Variants in DOCK3 observed in about 807,000 individuals in gnomAD.
DOCK3 encodes dedicator of cytokinesis 3.
A neutral mutation model predicts 265.6 loss-of-function variants in DOCK3; 60 were observed. The ratio of observed to expected loss-of-function variants is 0.23; its 90% confidence interval spans 0.18 to 0.28. The LOEUF is 0.28. Among genes scored for constraint, DOCK3 ranks in the 10% least tolerant of loss-of-function variants. DOCK3 has a pLI of 1.00. For missense variants in DOCK3, 1,981 were observed against 2,594.3 expected (o/e 0.76, Z 5.14); for synonymous variants, 881 against 938.0 (o/e 0.94, Z 1.11).
chr3:50,904,007 A>G (rs2049339835), intron 4 of DOCK3, among the ~76,000 whole-genome samples: 1 of 151,970 alleles, frequency 6.6e-6, no homozygotes, highest in Non-Finnish European at 1.5e-5. Flanking sequence ...AAGTGAGAAC[A>G]TGTGGTGTTT....
At chr3:50,831,176 T>C (rs139420068) in intron 2 of DOCK3, among the ~76,000 whole-genome samples, 3,091 of 151,814 alleles carry the variant, frequency 0.02, 105 homozygotes, top group African/African-American at 0.071. Context: ...GCTTCTTTAC[T>C]GCAACCTGTT....
chr3:51,112,202 T>A (rs2083550930), intron 9 of DOCK3, among the ~76,000 whole-genome samples: 1 of 152,144 alleles, frequency 6.6e-6, no homozygotes, highest in Non-Finnish European at 1.5e-5. Context: ...AGCAATCCCA[T>A]TACTGGGTAC....
chr3:50,792,115 A>G (rs1258524912), intron 2 of DOCK3, among the ~76,000 whole-genome samples: 1 of 104,720 alleles, frequency 9.5e-6, no homozygotes, highest in East Asian at 2.4e-4. Context: ...TGTTTGTGTC[A>G]TCTCTGATTT....
At chr3:51,122,858 G>A (rs911921803) in intron 9 of DOCK3, among the ~76,000 whole-genome samples, 1 of 152,220 alleles carries the variant, frequency 6.6e-6, no homozygotes, top group Non-Finnish European at 1.5e-5. Flanking sequence ...TAGGGAGAAC[G>A]ATGCTGGGAC....
At chr3:51,253,687 A>C (rs997069456) in intron 22 of DOCK3, among the ~76,000 whole-genome samples, 2 of 152,092 alleles carry the variant, frequency 1.3e-5, no homozygotes, top group African/African-American at 2.4e-5. Context: ...GGTAGTCTGT[A>C]GTTCGTGGGA....
chr3:50,870,253 CTT>C (rs2047370771), intron 3 of DOCK3, among the ~76,000 whole-genome samples: 2 of 152,112 alleles, frequency 1.3e-5, no homozygotes, highest in African/African-American at 2.4e-5. Flanking sequence ...CTATCTTTCT[CTT>C]TTGCTCTAAT....
intron 12 of DOCK3, among the ~76,000 whole-genome samples, chr3:51,204,493 A>G (rs1419437888): frequency 3.2e-4 from 47 of 146,604 alleles, no homozygotes; most frequent in South Asian, 2.0e-3. Flanking sequence ...TTAGAATGGC[A>G]ATCATTAAAA....
chr3:50,922,996 T>G (rs1485302215), intron 4 of DOCK3, among the ~76,000 whole-genome samples: 8 of 152,206 alleles, frequency 5.3e-5, no homozygotes, highest in Non-Finnish European at 7.3e-5. Context: ...TAGTCCCACT[T>G]ATGAATGAGA....
intron 2 of DOCK3, among the ~76,000 whole-genome samples, chr3:50,781,632 A>G (rs555220229): frequency 1.3e-5 from 2 of 152,006 alleles, no homozygotes; most frequent in Middle Eastern, 3.2e-3. Context: ...TATTTATTTT[A>G]AGTTTTGTTT....
chr3:51,276,182 T>C (rs1326058681), intron 25 of DOCK3, among the ~76,000 whole-genome samples: 1 of 152,176 alleles, frequency 6.6e-6, no homozygotes, highest in Non-Finnish European at 1.5e-5. Flanking sequence ...TACTCTGATG[T>C]TCAAACTTAA....
intron 9 of DOCK3, among the ~76,000 whole-genome samples, chr3:51,114,620 G>T (rs1300514219): frequency 2.0e-5 from 3 of 152,186 alleles, no homozygotes; most frequent in African/African-American, 7.2e-5. Flanking sequence ...AATGGACAGG[G>T]TTAGGGAAGG....
chr3:51,370,013 C>CTAGTACTAAATAGG (rs2087555139), intron 49 of DOCK3, among the ~76,000 whole-genome samples: 1 of 152,190 alleles, frequency 6.6e-6, no homozygotes, highest in African/African-American at 2.4e-5. Flanking sequence ...GCAGACATTT[C>CTAGTACTAAATAGG]TAGTACTAAA....
intron 1 of DOCK3, among the ~76,000 whole-genome samples, chr3:50,696,689 T>G (rs1460810814): frequency 6.6e-6 from 1 of 151,832 alleles, no homozygotes; most frequent in Admixed American, 6.6e-5. Context: ...GGGGGTGGGG[T>G]GGGGTAGGTG....
intron 2 of DOCK3, among the ~76,000 whole-genome samples, chr3:50,836,065 A>T (rs2045490532): frequency 6.6e-6 from 1 of 152,214 alleles, no homozygotes; most frequent in Non-Finnish European, 1.5e-5. Flanking sequence ...TGAATTTCTG[A>T]TACACCCAAA....
intron 1 of DOCK3, among the ~76,000 whole-genome samples, chr3:50,696,522 G>A (rs2035626728): frequency 1.3e-5 from 2 of 152,246 alleles, no homozygotes; most frequent in Admixed American, 6.5e-5. Context: ...AGAACTGAGT[G>A]TTGATGAGTG....
At chr3:51,217,286 A>C (rs1234248475) in intron 14 of DOCK3, among the ~76,000 whole-genome samples, 3 of 152,084 alleles carry the variant, frequency 2.0e-5, no homozygotes, top group African/African-American at 7.2e-5. Flanking sequence ...TCTTTTTGAC[A>C]TTCTACCATT....
At chr3:51,021,301 G>C (rs1239406399) in intron 5 of DOCK3, among the ~76,000 whole-genome samples, 6 of 149,734 alleles carry the variant, frequency 4.0e-5, no homozygotes, top group African/African-American at 7.7e-5. Context: ...CTCCAAGGTT[G>C]AAATGAAAGA....
chr3:51,366,620 G>A (rs1218337575), intron 49 of DOCK3, among the ~76,000 whole-genome samples: 1 of 152,128 alleles, frequency 6.6e-6, no homozygotes, highest in Non-Finnish European at 1.5e-5. Flanking sequence ...TCTCTTGTGG[G>A]TATTTAGTGC....
intron 35 of DOCK3, among the ~76,000 whole-genome samples, chr3:51,335,031 T>C (rs2084770288): frequency 6.6e-6 from 1 of 152,192 alleles, no homozygotes; most frequent in South Asian, 2.1e-4. Flanking sequence ...AGCCTCCCAG[T>C]GTTGCTTCTT....
Sources: gnomAD v4.1 joint callset for allele counts (sites outside exome capture counted in the v4.1 genomes callset) on GRCh38, gnomAD v4.1.1 for gene constraint, MANE v1.5 for transcripts, NCBI Gene and HGNC (gene_info 2026-07-23, HGNC 2026-07-21) for gene names.